The following IL12RB2 variants were observed in gnomAD, a reference collection of about 807,000 sequenced individuals.
IL12RB2 encodes the protein interleukin 12 receptor subunit beta 2.
A neutral mutation model predicts 89.4 loss-of-function variants in IL12RB2; 82 were observed. The observed-to-expected ratio is 0.92, with a 90% CI of 0.77 to 1.10. The LOEUF is 1.10. Ranked by LOEUF, IL12RB2 falls within the 50% of genes least tolerant of loss-of-function variation. The probability of loss-of-function intolerance (pLI) is 0.00; values close to 1 mark genes in which losing one functional copy is unlikely to be tolerated. For synonymous variants in IL12RB2, 368 were observed against 370.1 expected (o/e 0.99, Z 0.07); for missense variants, 963 against 1,031.9 (o/e 0.93, Z 0.92).
chr1:67,384,123 C>G (rs28775933), intron 14 of IL12RB2, among the ~76,000 whole-genome samples: 6,038 of 152,328 alleles, frequency 0.04, 430 homozygotes, highest in African/African-American at 0.14. Context: ...GGCTTGCACC[C>G]CACATTTCTC....
At chr1:67,375,834 C>T (rs1355379471) in intron 13 of IL12RB2, among the ~76,000 whole-genome samples, 1 of 150,916 alleles carries the variant, frequency 6.6e-6, no homozygotes, top group Non-Finnish European at 1.5e-5. Flanking sequence ...ACGGCCAGCA[C>T]ATTTTTCTTT....
At chr1:67,361,470 G>A (rs6685236) in intron 10 of IL12RB2, among the ~76,000 whole-genome samples, 102,912 of 152,014 alleles carry the variant, frequency 0.68, 38,679 homozygotes, top group South Asian at 0.85. Context: ...TCTAAGAAAG[G>A]GTCAAAAAAG....
At chr1:67,338,522 TA>T (rs938734612) in intron 8 of IL12RB2, 101 bp from the exon 9 acceptor site, 13 of 729,752 alleles carry the variant, frequency 1.8e-5, no homozygotes, top group African/African-American at 1.8e-4. Flanking sequence ...TAATTGAAGT[TA>T]TCCTCTAATT....
At chr1:67,393,228 C>T (rs1188771577) in intron 16 of IL12RB2, among the ~76,000 whole-genome samples, 1 of 152,128 alleles carries the variant, frequency 6.6e-6, no homozygotes, top group Admixed American at 6.5e-5. Flanking sequence ...GGCTACACCA[C>T]CATGTGCCCT....
chr1:67,348,683 C>A (rs1196599251), intron 9 of IL12RB2, among the ~76,000 whole-genome samples: 2 of 151,016 alleles, frequency 1.3e-5, no homozygotes, highest in Admixed American at 6.6e-5. Context: ...AAAAAAAAAA[C>A]CCTGAACTGA....
chr1:67,378,363 C>T (rs540992933), intron 13 of IL12RB2, among the ~76,000 whole-genome samples: 46 of 152,218 alleles, frequency 3.0e-4, no homozygotes, highest in African/African-American at 1.1e-3. Flanking sequence ...ACTCAAAACA[C>T]AAAATCTTCC....
chr1:67,351,338 C>T (rs188424501), intron 10 of IL12RB2, among the ~76,000 whole-genome samples: 10 of 152,178 alleles, frequency 6.6e-5, no homozygotes, highest in Admixed American at 5.9e-4. Flanking sequence ...TCTCATAGGT[C>T]ATTTTGAAAC....
chr1:67,344,599 T>A (rs1410424583), intron 9 of IL12RB2, among the ~76,000 whole-genome samples: 2 of 152,218 alleles, frequency 1.3e-5, no homozygotes, highest in Non-Finnish European at 2.9e-5. Flanking sequence ...GGCCTAATAA[T>A]ACATTTTATC....
intron 9 of IL12RB2, among the ~76,000 whole-genome samples, chr1:67,350,462 CAA>C (rs1660705183): frequency 6.6e-6 from 1 of 152,216 alleles, no homozygotes; most frequent in Non-Finnish European, 1.5e-5. Context: ...GTGTGATTTA[CAA>C]ATTTAGAAAT....
chr1:67,396,121 GC>G lies in IL12RB2; in HGVS notation c.*35del. ...AGGCTTCAAGCCTTAAAGTCAGTGTGCCCTCAACCAGCACAGCCTGCCCCAA... is the reference window on the plus strand; with the variant it reads ...AGGCTTCAAGCCTTAAAGTCAGTGTGCCTCAACCAGCACAGCCTGCCCCAA... On this transcript the variant is annotated 3_prime_UTR_variant, in exon 17 of 17. Transcript: ENST00000674203. The G allele has an allele frequency of 7.6e-7, 1 of 1,322,292 alleles. No homozygotes were observed. Among genetic ancestry groups the G allele is most frequent in the Non-Finnish European group, 1.1e-6 (1 of 916,574 alleles). 81.9% of individuals were successfully genotyped at this position (1,322,292 alleles called of 1,614,324 possible).
intron 15 of IL12RB2, among the ~76,000 whole-genome samples, chr1:67,387,082 C>T (rs959088983): frequency 1.3e-5 from 2 of 151,238 alleles, no homozygotes; most frequent in African/African-American, 2.4e-5. Context: ...GTGCCCACCA[C>T]CATGCCCAGA....
At chr1:67,322,671 G>GAGAA (rs3063088) in intron 4 of IL12RB2, among the ~76,000 whole-genome samples, 136,860 of 151,916 alleles carry the variant, frequency 0.9, 62,461 homozygotes, top group Non-Finnish European at 0.99. Context: ...CTCATGACAA[G>GAGAA]AGAAAGAAGA....
chr1:67,320,004 G>T (rs1387709497), intron 2 of IL12RB2, among the ~76,000 whole-genome samples: 1 of 152,090 alleles, frequency 6.6e-6, no homozygotes, highest in African/African-American at 2.4e-5. Context: ...TCTTGAACTT[G>T]CCAGTCCCCA....
chr1:67,335,188 G>C (rs918343396), intron 8 of IL12RB2, among the ~76,000 whole-genome samples: 3 of 152,182 alleles, frequency 2.0e-5, no homozygotes, highest in African/African-American at 7.2e-5. Flanking sequence ...ATAATACAGT[G>C]TATCTGCAAG....
chr1:67,367,785 T>C (rs1257790264), intron 10 of IL12RB2, 40 bp from the exon 11 acceptor site: 11 of 1,126,516 alleles, frequency 9.8e-6, no homozygotes, highest in Non-Finnish European at 1.4e-6. Flanking sequence ...TTATCCCTCC[T>C]CTTTTTTTAT....
chr1:67,388,560 G>A (rs933220179), intron 15 of IL12RB2, among the ~76,000 whole-genome samples: 1 of 152,080 alleles, frequency 6.6e-6, no homozygotes, highest in African/African-American at 2.4e-5. Flanking sequence ...TGGCCAGGCT[G>A]GTCTCAAACT....
chr1:67,368,664 A>C lies in IL12RB2; in HGVS notation c.1459+639A>C, dbSNP rs941144041. Among the ~76,000 whole-genome samples the C allele has an allele frequency of 3.9e-5, 6 of 152,236 alleles. 1 individual carries two copies. Among genetic ancestry groups the C allele is most frequent in the Admixed American group, 2.0e-4 (3 of 15,284 alleles). The stretch of plus-strand genomic sequence containing the variant: ...TTAGTTAATGTCATTGTTAAGCATA[A>C]ATTCAGCACTGAATTGAATCAGTGG... On this transcript the variant is annotated intron_variant, in intron 11 of 16. Coordinates refer to ENST00000674203, the MANE Select transcript of IL12RB2 (RefSeq NM_001374259.2).
intron 1 of IL12RB2, among the ~76,000 whole-genome samples, chr1:67,312,948 A>G (rs544395716): frequency 6.6e-6 from 1 of 152,388 alleles, no homozygotes; most frequent in East Asian, 1.9e-4. Flanking sequence ...TAGAAAGAAG[A>G]AAAAGTAGAA....
intron 16 of IL12RB2, among the ~76,000 whole-genome samples, chr1:67,393,956 A>T (rs1344593928): frequency 6.6e-6 from 1 of 152,218 alleles, no homozygotes; most frequent in African/African-American, 2.4e-5. Context: ...AGCACAAAGT[A>T]TCACATGCCA....
Sources: gnomAD v4.1 joint callset for allele counts (sites outside exome capture counted in the v4.1 genomes callset) on GRCh38, gnomAD v4.1.1 for gene constraint, MANE v1.5 for transcripts, NCBI Gene and HGNC (gene_info 2026-07-23, HGNC 2026-07-21) for gene names.